Variants in CEP85L observed in about 807,000 individuals in gnomAD.
CEP85L encodes the protein centrosomal protein 85L.
CEP85L carries 60 observed loss-of-function variants against 100.3 expected under a neutral mutation model. The observed-to-expected ratio is 0.60, with a 90% CI of 0.49 to 0.74. CEP85L has a LOEUF of 0.74. Ranked by LOEUF, CEP85L falls within the 30% of genes least tolerant of loss-of-function variation. The pLI is 0.00. For synonymous variants in CEP85L, 319 were observed against 322.7 expected (o/e 0.99, Z 0.12); for missense variants, 973 against 936.2 (o/e 1.04, Z -0.51).
chr6:118,704,256 T>A (rs1449144636), intron 1 of CEP85L, among the ~76,000 whole-genome samples: 3 of 152,208 alleles, frequency 2.0e-5, no homozygotes, highest in Non-Finnish European at 4.4e-5. Context: ...TCTTTTGGAA[T>A]TTCCCTTTGG....
intron 12 of CEP85L, 73 bp from the exon 13 acceptor site, chr6:118,465,641 A>G: frequency 7.0e-7 from 1 of 1,427,860 alleles, no homozygotes; most frequent in Non-Finnish European, 9.7e-7. Flanking sequence ...TTTCACCTTA[A>G]TCATCATGGA....
At chr6:118,556,215 A>G (rs953897958) in intron 3 of CEP85L, among the ~76,000 whole-genome samples, 1 of 152,162 alleles carries the variant, frequency 6.6e-6, no homozygotes. Flanking sequence ...ATAAGCTGCT[A>G]TTTTCTAAGT....
intron 1 of CEP85L, chr6:118,646,889 T>C (rs1000379152): frequency 2.3e-5 from 22 of 971,668 alleles, no homozygotes; most frequent in African/African-American, 7.0e-5. Flanking sequence ...AACATGACAA[T>C]AGAGGTTATC....
At chr6:118,568,396 G>A (rs1288010966) in intron 2 of CEP85L, among the ~76,000 whole-genome samples, 1 of 152,188 alleles carries the variant, frequency 6.6e-6, no homozygotes, top group Non-Finnish European at 1.5e-5. Flanking sequence ...AACTTCTGCT[G>A]ACTGAAAACA....
chr6:118,570,769 G>C (rs1342576089), intron 2 of CEP85L, among the ~76,000 whole-genome samples: 2 of 152,094 alleles, frequency 1.3e-5, no homozygotes, highest in East Asian at 3.9e-4. Flanking sequence ...TCTGATTCCA[G>C]TTCTGAAGGC....
chr6:118,557,000 T>C (rs1361801490), intron 3 of CEP85L, among the ~76,000 whole-genome samples: 3 of 152,184 alleles, frequency 2.0e-5, no homozygotes, highest in Admixed American at 6.5e-5. Context: ...TGATGGAAAC[T>C]ACTACTATTA....
At chr6:118,681,114 C>CT (rs1321930360) in intron 1 of CEP85L, among the ~76,000 whole-genome samples, 2 of 152,220 alleles carry the variant, frequency 1.3e-5, no homozygotes, top group African/African-American at 4.8e-5. Flanking sequence ...TGATTGCCAG[C>CT]TTTTTACCAG....
chr6:118,658,430 G>A (rs1014504550), intron 1 of CEP85L, among the ~76,000 whole-genome samples: 1 of 152,076 alleles, frequency 6.6e-6, no homozygotes, highest in Non-Finnish European at 1.5e-5. Flanking sequence ...AGCTATATGG[G>A]AAGGCTTCTT....
intron 12 of CEP85L, among the ~76,000 whole-genome samples, chr6:118,466,274 T>C (rs117156929): frequency 2.6e-5 from 4 of 152,352 alleles, no homozygotes; most frequent in South Asian, 2.1e-4. Context: ...CCTCTCCTTA[T>C]ACCTTCATAG....
At chr6:118,465,598 T>C in intron 12 of CEP85L, 30 bp from the exon 13 acceptor site, 1 of 1,598,050 alleles carries the variant, frequency 6.3e-7, no homozygotes. Flanking sequence ...AGAGAATATC[T>C]CACATTTTTT....
intron 3 of CEP85L, among the ~76,000 whole-genome samples, chr6:118,530,974 C>G (rs1777258988): frequency 1.3e-5 from 2 of 152,042 alleles, no homozygotes; most frequent in African/African-American, 4.8e-5. Context: ...ATCAAACTAC[C>G]AATGACATTC....
At chr6:118,593,614 C>G (rs947247360) in intron 2 of CEP85L, among the ~76,000 whole-genome samples, 5 of 151,352 alleles carry the variant, frequency 3.3e-5, no homozygotes, top group African/African-American at 1.2e-4. Flanking sequence ...CAGGCCCTAC[C>G]AACATTGGGG....
upstream of CEP85L, among the ~76,000 whole-genome samples, chr6:118,656,082 G>C (rs1489719005): frequency 1.3e-5 from 2 of 152,166 alleles, no homozygotes; most frequent in Non-Finnish European, 2.9e-5. Flanking sequence ...TATAGTGTTA[G>C]GGTTCAGCTA....
intron 1 of CEP85L, among the ~76,000 whole-genome samples, chr6:118,635,289 T>C (rs1251734077): frequency 6.6e-6 from 1 of 152,202 alleles, no homozygotes; most frequent in Non-Finnish European, 1.5e-5. Context: ...ACCTATTTTT[T>C]AACATGGAAG....
At position 118,532,914 on chromosome 6, in the gene CEP85L, C is replaced by T. The variant is rs561572599; in HGVS notation, c.1021-8994G>A. 5.9e-5 allele frequency among the ~76,000 whole-genome samples: 9 copies of T among 152,198 alleles called. 1 individual carries two copies. In the South Asian group the frequency reaches 1.9e-3, roughly 32 times the overall value. On this transcript the variant is annotated intron_variant, in intron 3 of 12. Transcript: ENST00000368491. ...ACAATACTATCATTTTGGGGGATCA[C>T]TGAGATTAAACAACACACTTCTAAA...
intron 6 of CEP85L, among the ~76,000 whole-genome samples, chr6:118,491,009 T>C (rs894606537): frequency 3.3e-5 from 5 of 152,186 alleles, no homozygotes; most frequent in African/African-American, 1.2e-4. Flanking sequence ...GTGTTTTTTA[T>C]GTAATGACGT....
intron 3 of CEP85L, among the ~76,000 whole-genome samples, chr6:118,524,689 A>G (rs1201002505): frequency 6.6e-6 from 1 of 152,252 alleles, no homozygotes; most frequent in Non-Finnish European, 1.5e-5. Context: ...TAGAATTTCA[A>G]AATCACAAAT....
At chr6:118,603,152 CT>C (rs1781869822) in intron 2 of CEP85L, among the ~76,000 whole-genome samples, 1 of 152,154 alleles carries the variant, frequency 6.6e-6, no homozygotes, top group Non-Finnish European at 1.5e-5. Context: ...CAAGCCCAGC[CT>C]TGGGTTTCTA....
intron 1 of CEP85L, among the ~76,000 whole-genome samples, chr6:118,686,990 C>T (rs892395634): frequency 6.6e-6 from 1 of 152,126 alleles, no homozygotes; most frequent in Non-Finnish European, 1.5e-5. Context: ...CACTTTATCT[C>T]GTAACCACTT....
Sources: allele counts gnomAD v4.1 joint callset (sites outside exome capture counted in the v4.1 genomes callset), GRCh38; gene constraint gnomAD v4.1.1; transcripts MANE v1.5; gene names NCBI Gene and HGNC (gene_info 2026-07-23, HGNC 2026-07-21).